ZNF620: variants seen among roughly 807,000 people sequenced by gnomAD.
ZNF620 encodes zinc finger protein 620.
A neutral mutation model predicts 13.3 loss-of-function variants in ZNF620; 10 were observed. The observed-to-expected ratio is 0.75, with a 90% CI of 0.46 to 1.28. The LOEUF is 1.28. Ranked by LOEUF, ZNF620 falls within the 50% of genes most tolerant of loss-of-function variation. ZNF620 has a pLI of 0.00. For synonymous variants in ZNF620, 166 were observed against 177.6 expected, an observed-to-expected ratio of 0.93 and a Z score of 0.52; for missense variants, 461 against 500.2, an observed-to-expected ratio of 0.92 and a Z score of 0.75.
chr3:40,507,496 A>G (rs957910644), intron 2 of ZNF620, among the ~76,000 whole-genome samples: 1 of 152,104 alleles, frequency 6.6e-6, no homozygotes, highest in East Asian at 1.9e-4. Context: ...TTTTATTAGT[A>G]CTATATATTG....
At chr3:40,511,159 A>C (rs539975420) in intron 2 of ZNF620, among the ~76,000 whole-genome samples, 27 of 152,252 alleles carry the variant, frequency 1.8e-4, no homozygotes, top group African/African-American at 6.5e-4. Context: ...TCCCCTGTGC[A>C]TGTGCACACA....
At chr3:40,507,089 G>GTTTT (rs370195603) in intron 2 of ZNF620, among the ~76,000 whole-genome samples, 1,686 of 98,126 alleles carry the variant, frequency 0.017, 108 homozygotes, top group African/African-American at 0.064. Flanking sequence ...TGACCATATG[G>GTTTT]TTTTTTTTTT....
rs964802574 is a variant in ZNF620 at position 40,517,768 on chromosome 3, A to C, written c.*905A>C. The C allele has an allele frequency of 3.9e-5, 6 of 152,228 alleles. No individual in the cohort carries two copies. The highest frequency in any genetic ancestry group is 1.4e-4 in the African/African-American group (6 of 41,450). The allele number at this position is 152,228 out of a possible 1,614,324, so 9.4% of individuals were successfully genotyped here. A position where few individuals can be genotyped will look rare whatever the true frequency, so the allele number is the denominator to read the frequency against. ...ATATGTGCAACACTACACAAGGAGT[A>C]AACCAGTAAATAAAAAGACAGATAT... is the stretch of plus-strand genomic sequence containing the variant. On this transcript the variant is annotated 3_prime_UTR_variant, in exon 5 of 5. Transcript: ENST00000314529.
Position 40,516,969 on chromosome 3 carries a change from C to A in ZNF620, c.*106C>A. Reference sequence around the variant, plus strand: ...TCCTGGTTAGACACTTGGCTTTCATCATGAACTCTTCTTTAAGTTTTTTGA... The same window carrying A: ...TCCTGGTTAGACACTTGGCTTTCATAATGAACTCTTCTTTAAGTTTTTTGA... On this transcript the variant is annotated 3_prime_UTR_variant, in exon 5 of 5. Transcript: ENST00000314529. 1 of 1,295,438 alleles carries A rather than the reference C, an allele frequency of 7.7e-7. No individual in the cohort carries two copies. Among genetic ancestry groups the A allele is most frequent in the Non-Finnish European group, 1.0e-6 (1 of 954,700 alleles). The allele number at this position is 1,295,438 out of a possible 1,614,324, so 80.2% of individuals were successfully genotyped here.
chr3:40,510,373 T>C (rs1698157290), intron 2 of ZNF620, among the ~76,000 whole-genome samples: 1 of 152,198 alleles, frequency 6.6e-6, no homozygotes, highest in Admixed American at 6.5e-5. Flanking sequence ...GACTTCCCAG[T>C]CTTCGTGTGT....
chr3:40,509,528 G>A (rs1350913017), intron 2 of ZNF620, among the ~76,000 whole-genome samples: 1 of 152,112 alleles, frequency 6.6e-6, no homozygotes, highest in East Asian at 1.9e-4. Context: ...CACCGTGCCT[G>A]GCTCTTTTTT....
chr3:40,509,944 TTGTC>T (rs763030837), intron 2 of ZNF620, among the ~76,000 whole-genome samples: 29 of 152,160 alleles, frequency 1.9e-4, no homozygotes, highest in Non-Finnish European at 3.5e-4. Flanking sequence ...TTTATATAAT[TTGTC>T]TGGTTATTTT....
At chr3:40,513,939 C>T (rs571915882) in intron 4 of ZNF620, among the ~76,000 whole-genome samples, 1 of 152,234 alleles carries the variant, frequency 6.6e-6, no homozygotes, top group East Asian at 1.9e-4. Flanking sequence ...CTTGGTCTAG[C>T]GGTAATGCCA....
In ZNF620 at chr3:40,506,496, A is replaced by G. The variant is rs1049216913; in HGVS notation, c.24+120A>G. 30 of 1,158,744 alleles carry G rather than the reference A, an allele frequency of 2.6e-5. 1 individual carries two copies. The East Asian group carries it at 3.8e-4, about 15-fold the overall frequency. The allele number at this position is 1,158,744 out of a possible 1,614,324, so 71.8% of individuals were successfully genotyped here. A position where few individuals can be genotyped will look rare whatever the true frequency, so the allele number is the denominator to read the frequency against. On this transcript the variant is annotated intron_variant, in intron 2 of 4. Coordinates refer to ENST00000314529, the MANE Select transcript of ZNF620 (RefSeq NM_175888.4). ...TGGCTTCCATTGTGCATCTGTCACTATGAGAGGGATGGAGAGGTGAGAATG... is the reference window on the plus strand; with the variant it reads ...TGGCTTCCATTGTGCATCTGTCACTGTGAGAGGGATGGAGAGGTGAGAATG...
At position 40,515,949 on chromosome 3, in the gene ZNF620, CTGCCAGGGAATGTT is replaced by C; in HGVS notation, c.357_370del (p.Gly121AlafsTer3). ...GTCCTTCAGACTGATGGTGGGGGGC[CTGCCAGGGAATGTT>C]TCCCAGCACCTTGACTTTGGGAGCA... On this transcript the variant is annotated frameshift_variant, in exon 5 of 5. Coordinates refer to ENST00000314529, the MANE Select transcript of ZNF620 (RefSeq NM_175888.4). LOFTEE classifies it low-confidence loss of function (END_TRUNC). The C allele has an allele frequency of 6.2e-7, 1 of 1,614,082 alleles. No homozygotes were observed. Among genetic ancestry groups the C allele is most frequent in the South Asian group, 1.1e-5 (1 of 91,080 alleles).
At position 40,516,907 on chromosome 3, in the gene ZNF620, T is replaced by C. The variant is rs1698409676; in HGVS notation, c.*44T>C. 1.3e-6 allele frequency: 2 copies of C among 1,525,044 alleles called. No homozygotes were observed. The highest frequency in any genetic ancestry group is 2.7e-5 in the South Asian group (2 of 74,886). 94.5% of individuals were successfully genotyped at this position (1,525,044 alleles called of 1,614,324 possible). A position where few individuals can be genotyped will look rare whatever the true frequency, so the allele number is the denominator to read the frequency against. On this transcript the variant is annotated 3_prime_UTR_variant, in exon 5 of 5. Transcript: ENST00000314529. The stretch of plus-strand genomic sequence containing the variant: ...CCACTGTGCCTCTCCTTTTTTCTCT[T>C]TATTTTCATGCTTTTTATCAGTGTC...
chr3:40,516,047 C>T lies in ZNF620; in HGVS notation c.453C>T (p.Phe151=). 1 of 1,614,094 alleles carries T rather than the reference C, an allele frequency of 6.2e-7. No homozygotes were observed. The highest frequency in any genetic ancestry group is 8.5e-7 in the Non-Finnish European group (1 of 1,180,006). ...IIKTKSKRRH[F]TDTSARHHEA... is the part of the protein sequence containing the mutation. ...AGACAAAGTCAAAGAGGAGACATTT[C>T]ACAGATACCTCAGCCAGGCACCATG... Residue 151 remains phenylalanine (F), a synonymous_variant, in exon 5 of 5, where the codon TTC becomes TTT. Transcript: ENST00000314529.
intron 4 of ZNF620, among the ~76,000 whole-genome samples, chr3:40,513,238 G>A (rs1235709096): frequency 6.7e-6 from 1 of 149,160 alleles, no homozygotes; most frequent in Non-Finnish European, 1.5e-5. Context: ...GCTGAGGCAG[G>A]TGGATCACTT....
Position 40,511,563 on chromosome 3 carries a change from A to G in ZNF620, c.118A>G (p.Met40Val). 1 of 1,613,334 alleles carries G rather than the reference A, an allele frequency of 6.2e-7. No individual in the cohort carries two copies. The highest frequency in any genetic ancestry group is 8.5e-7 in the Non-Finnish European group (1 of 1,179,698). The change falls in exon 3 of 5, where the codon ATG (methionine) becomes GTG (valine). Residue 40 changes from methionine to valine, a missense_variant. By Grantham distance (21) the Met-to-Val change is conservative. Coordinates refer to ENST00000314529, the MANE Select transcript of ZNF620 (RefSeq NM_175888.4). ...SVQRALYREV[M>V]LENYANVASL... Reference sequence around the variant, plus strand: ...GCAGAGGGCCCTGTACAGGGAAGTGATGCTGGAGAATTATGCAAATGTGGC... The same window carrying G: ...GCAGAGGGCCCTGTACAGGGAAGTGGTGCTGGAGAATTATGCAAATGTGGC...
chr3:40,508,630 C>CTT (rs770458358), intron 2 of ZNF620: 253 of 332,456 alleles, frequency 7.6e-4, no homozygotes, highest in Middle Eastern at 1.1e-3. Flanking sequence ...GCCACTGCAG[C>CTT]TTTTTTTTTT....
intron 4 of ZNF620, among the ~76,000 whole-genome samples, chr3:40,513,316 A>AAAAT (rs1193351404): frequency 0.02 from 1,221 of 62,292 alleles, 23 homozygotes; most frequent in East Asian, 0.029. Flanking sequence ...AAAAAAAAAA[A>AAAAT]ATATATATAT....
intron 1 of ZNF620, 72 bp from the exon 2 acceptor site, chr3:40,506,232 A>G: frequency 7.7e-7 from 1 of 1,296,866 alleles, no homozygotes; most frequent in Non-Finnish European, 1.1e-6. Flanking sequence ...GAGGGGCCCA[A>G]GTAGCACAGA....
Position 40,511,609 on chromosome 3 carries a change from T to G in ZNF620, c.151+13T>G. 6.2e-7 allele frequency: 1 copy of G among 1,611,830 alleles called. No individual in the cohort carries two copies. Among genetic ancestry groups the G allele is most frequent in the Non-Finnish European group, 8.5e-7 (1 of 1,179,054 alleles). Reference sequence around the variant, plus strand: ...GTGGCTTCCCTGGGTAAGACATTTCTTCTTGTTTTTGGCCTCTGCCCTTTA... The same window carrying G: ...GTGGCTTCCCTGGGTAAGACATTTCGTCTTGTTTTTGGCCTCTGCCCTTTA... On this transcript the variant is annotated intron_variant, in intron 3 of 4. Transcript: ENST00000314529.
intron 2 of ZNF620, among the ~76,000 whole-genome samples, chr3:40,510,814 A>C (rs895452264): frequency 1.3e-5 from 2 of 151,952 alleles, no homozygotes; most frequent in Non-Finnish European, 2.9e-5. Flanking sequence ...AGTGGTGCAA[A>C]CACAGCTCAC....
Sources: gnomAD v4.1 joint callset for allele counts (sites outside exome capture counted in the v4.1 genomes callset) on GRCh38, gnomAD v4.1.1 for gene constraint, MANE v1.5 for transcripts, NCBI Gene and HGNC (gene_info 2026-07-23, HGNC 2026-07-21) for gene names.